The following ADAMTSL1 variants were observed in gnomAD, a reference collection of about 807,000 sequenced individuals.
ADAMTSL1 encodes the protein ADAMTS-like protein 1.
In ADAMTSL1, 126 loss-of-function variants were observed where a neutral mutation model predicts 201.8. The ratio of observed to expected loss-of-function variants is 0.62; its 90% CI spans 0.54 to 0.72. ADAMTSL1 has a LOEUF of 0.72. Ranked by LOEUF, ADAMTSL1 falls within the 30% of genes least tolerant of loss-of-function variation. ADAMTSL1 has a pLI of 0.00. For missense variants in ADAMTSL1, 2,679 were observed against 2,277.8 expected, an observed-to-expected ratio of 1.18 and a Z score of -3.59; for synonymous variants, 1,121 against 903.4, an observed-to-expected ratio of 1.24 and a Z score of -4.32.
At chr9:18,781,688 G>A (rs913768634) in intron 19 of ADAMTSL1, among the ~76,000 whole-genome samples, 1 of 152,150 alleles carries the variant, frequency 6.6e-6, no homozygotes, top group African/African-American at 2.4e-5. Context: ...AATGTCCAGT[G>A]TTATAGTTCA....
chr9:18,634,048 G>A (rs766218472), intron 5 of ADAMTSL1, among the ~76,000 whole-genome samples: 2 of 151,972 alleles, frequency 1.3e-5, no homozygotes, highest in Non-Finnish European at 2.9e-5. Context: ...ATCTAGTCAC[G>A]ACAATAGTAT....
chr9:18,563,433 A>G (rs553389735), intron 3 of ADAMTSL1, among the ~76,000 whole-genome samples: 4 of 152,184 alleles, frequency 2.6e-5, no homozygotes, highest in African/African-American at 9.6e-5. Flanking sequence ...GCTCTCCTAT[A>G]TGAGGTGTCT....
At chr9:18,699,430 T>A (rs1404551244) in intron 13 of ADAMTSL1, among the ~76,000 whole-genome samples, 1 of 150,478 alleles carries the variant, frequency 6.6e-6, no homozygotes, top group Non-Finnish European at 1.5e-5. Context: ...GTGCAAGAGA[T>A]CCTCCCACCT....
chr9:18,140,064 A>G (rs1826332899), intron 1 of ADAMTSL1, among the ~76,000 whole-genome samples: 1 of 152,144 alleles, frequency 6.6e-6, no homozygotes, highest in East Asian at 1.9e-4. Flanking sequence ...TTATGTACCA[A>G]CTATTTGCTA....
chr9:18,879,865 G>C (rs1256721642), intron 23 of ADAMTSL1, among the ~76,000 whole-genome samples: 1 of 152,178 alleles, frequency 6.6e-6, no homozygotes, highest in African/African-American at 2.4e-5. Flanking sequence ...ACTCACAGTT[G>C]AACTTCTTTC....
intron 2 of ADAMTSL1, among the ~76,000 whole-genome samples, chr9:18,234,300 T>C (rs972673594): frequency 1.3e-5 from 2 of 152,118 alleles, no homozygotes; most frequent in Admixed American, 1.3e-4. Context: ...GAGTTTAATA[T>C]AAAATATGTT....
chr9:18,190,581 G>A (rs946025252), intron 2 of ADAMTSL1, among the ~76,000 whole-genome samples: 2 of 152,146 alleles, frequency 1.3e-5, no homozygotes, highest in African/African-American at 2.4e-5. Context: ...TACAAGATAA[G>A]CATTGATTTC....
In ADAMTSL1 at chr9:18,314,782, C is replaced by CTTTTTTTTTTTT. The variant is rs776046209; in HGVS notation, c.207+150822_207+150833dup. Among the ~76,000 whole-genome samples, 5 of 49,852 alleles carry CTTTTTTTTTTTT rather than the reference C, an allele frequency of 1.0e-4. 1 individual carries two copies. Among genetic ancestry groups the CTTTTTTTTTTTT allele is most frequent in the Admixed American group, 3.1e-4 (1 of 3,252 alleles). The allele number at this position is 49,852 out of a possible 152,430, so 32.7% of individuals were successfully genotyped here. ...TGCCACTGCTGCCTTCGGCAGCGTG[C>CTTTTTTTTTTTT]TTTTTTTTTTTTTTTTTTTTTTTTT... On this transcript the variant is annotated intron_variant, in intron 2 of 29. Coordinates refer to the ADAMTSL1 transcript ENST00000680146.
At chr9:18,746,548 A>G (rs894325324) in intron 15 of ADAMTSL1, among the ~76,000 whole-genome samples, 1 of 152,230 alleles carries the variant, frequency 6.6e-6, no homozygotes, top group Non-Finnish European at 1.5e-5. Flanking sequence ...CCAAAACTTC[A>G]TTTTACATTT....
chr9:18,202,225 A>G (rs1393925566), intron 2 of ADAMTSL1, among the ~76,000 whole-genome samples: 2 of 152,304 alleles, frequency 1.3e-5, no homozygotes, highest in East Asian at 3.9e-4. Context: ...TGCTTCCAAC[A>G]TATTAAAGCT....
At chr9:18,634,002 A>T (rs1328233379) in intron 5 of ADAMTSL1, among the ~76,000 whole-genome samples, 2 of 152,188 alleles carry the variant, frequency 1.3e-5, no homozygotes, top group Admixed American at 1.3e-4. Flanking sequence ...GTTCCAGGCT[A>T]TACATCCCTA....
intron 2 of ADAMTSL1, among the ~76,000 whole-genome samples, chr9:18,339,852 C>G (rs1053580215): frequency 2.0e-5 from 3 of 152,134 alleles, no homozygotes; most frequent in African/African-American, 7.2e-5. Context: ...CATTCTCCAT[C>G]CATCCACCTC....
intron 1 of ADAMTSL1, among the ~76,000 whole-genome samples, chr9:18,105,232 C>A (rs554594728): frequency 1.3e-5 from 2 of 152,154 alleles, no homozygotes; most frequent in Admixed American, 1.3e-4. Flanking sequence ...CCCTAACTTT[C>A]GGTGTCTCTA....
At position 17,967,535 on chromosome 9, in the gene ADAMTSL1, A is replaced by G. The variant is rs575417857; in HGVS notation, c.87+60613A>G. The stretch of plus-strand genomic sequence containing the variant: ...CACACAACTCTCAAAGCAGTTGTGT[A>G]AAATACCATTACACCAACCATATAG... On this transcript the variant is annotated intron_variant, in intron 1 of 29. Coordinates refer to the ADAMTSL1 transcript ENST00000680146. Among the ~76,000 whole-genome samples, 16 of 152,274 alleles carry G rather than the reference A, an allele frequency of 1.1e-4. No homozygotes were observed. In the South Asian group the frequency reaches 1.4e-3, roughly 14 times the overall value.
At chr9:18,215,923 C>G (rs1830040357) in intron 2 of ADAMTSL1, among the ~76,000 whole-genome samples, 1 of 152,196 alleles carries the variant, frequency 6.6e-6, no homozygotes, top group South Asian at 2.1e-4. Flanking sequence ...GGGTTGTCTT[C>G]TTTCCAACCA....
At chr9:17,967,777 TCTTATAGTAAATA>T in intron 1 of ADAMTSL1, among the ~76,000 whole-genome samples, 1 of 152,256 alleles carries the variant, frequency 6.6e-6, no homozygotes, top group East Asian at 1.9e-4. Flanking sequence ...TTCTTTTGGT[TCTTATAGTAAATA>T]ATTTTAACAT....
chr9:18,834,416 C>G (rs1825186364), intron 23 of ADAMTSL1, among the ~76,000 whole-genome samples: 1 of 151,772 alleles, frequency 6.6e-6, no homozygotes, highest in Admixed American at 6.6e-5. Flanking sequence ...CTTTGTTATT[C>G]ATTTATAAGA....
chr9:17,971,894 G>GT (rs1818220015), intron 1 of ADAMTSL1, among the ~76,000 whole-genome samples: 1 of 151,558 alleles, frequency 6.6e-6, no homozygotes, highest in African/African-American at 2.4e-5. Flanking sequence ...TCAGAACTAG[G>GT]TAAGACTCTC....
intron 1 of ADAMTSL1, among the ~76,000 whole-genome samples, chr9:17,970,738 C>G (rs947034722): frequency 3.3e-5 from 5 of 152,024 alleles, no homozygotes; most frequent in Non-Finnish European, 7.4e-5. Context: ...GGATTAGGCA[C>G]CTCTGTGCTC....
Sources: gnomAD v4.1 joint callset for allele counts (sites outside exome capture counted in the v4.1 genomes callset) on GRCh38, gnomAD v4.1.1 for gene constraint, MANE v1.5 for transcripts, NCBI Gene and HGNC (gene_info 2026-07-23, HGNC 2026-07-21) for gene names.